GMDS: variants seen among roughly 807,000 people sequenced by gnomAD.
GMDS encodes the protein GDP-mannose 4,6 dehydratase.
Under a neutral mutation model 49.9 loss-of-function variants are expected in GMDS, and 20 were observed. That is an observed-to-expected ratio of 0.40 (90% CI 0.28 to 0.58). GMDS has a LOEUF of 0.58. Among genes scored for constraint, GMDS ranks in the 20% least tolerant of loss-of-function variants. GMDS has a pLI of 0.42. For synonymous variants in GMDS, 177 were observed against 178.6 expected, an observed-to-expected ratio of 0.99 and a Z score of 0.07; for missense variants, 362 against 481.4, an observed-to-expected ratio of 0.75 and a Z score of 2.32.
chr6:2,134,319 T>C (rs546606726), intron 1 of GMDS, among the ~76,000 whole-genome samples: 1 of 152,362 alleles, frequency 6.6e-6, no homozygotes, highest in Non-Finnish European at 1.5e-5. Context: ...GCTTAGCTCT[T>C]ATTCAACCAT....
chr6:1,874,913 GA>G (rs1758955747), intron 7 of GMDS, among the ~76,000 whole-genome samples: 1 of 152,080 alleles, frequency 6.6e-6, no homozygotes, highest in Admixed American at 6.5e-5. Context: ...AATGCGAGAA[GA>G]AAAAACCCCA....
chr6:1,670,204 C>T (rs574697080), intron 9 of GMDS, among the ~76,000 whole-genome samples: 159 of 152,264 alleles, frequency 1.0e-3, no homozygotes, highest in Middle Eastern at 3.4e-3. Flanking sequence ...GCCCAGCAGC[C>T]TTCCGGGACA....
At chr6:1,993,609 G>A (rs1351394785) in intron 4 of GMDS, among the ~76,000 whole-genome samples, 1 of 151,988 alleles carries the variant, frequency 6.6e-6, no homozygotes, top group Non-Finnish European at 1.5e-5. Flanking sequence ...ATCTCTTCAG[G>A]GCCGTGCTTC....
chr6:1,885,772 T>C (rs1031387402), intron 7 of GMDS, among the ~76,000 whole-genome samples: 1 of 152,188 alleles, frequency 6.6e-6, no homozygotes, highest in African/African-American at 2.4e-5. Flanking sequence ...ACCACAAACC[T>C]TGTTTAAACT....
intron 9 of GMDS, among the ~76,000 whole-genome samples, chr6:1,648,075 G>C (rs1282123294): frequency 6.6e-6 from 1 of 152,156 alleles, no homozygotes; most frequent in Non-Finnish European, 1.5e-5. Context: ...TTTGCCTATA[G>C]TGAGGACTCA....
chr6:1,944,415 G>A (rs1274659240), intron 6 of GMDS, among the ~76,000 whole-genome samples: 3 of 152,166 alleles, frequency 2.0e-5, no homozygotes, highest in African/African-American at 7.2e-5. Context: ...TGAGGCAGGA[G>A]AATGGCGTGA....
chr6:1,968,720 C>T (rs147860388), intron 4 of GMDS, among the ~76,000 whole-genome samples: 52 of 152,268 alleles, frequency 3.4e-4, no homozygotes, highest in Non-Finnish European at 6.0e-4. Context: ...TCCCCACATA[C>T]TGTACTCTTA....
chr6:2,060,482 G>T (rs768383049), intron 4 of GMDS, among the ~76,000 whole-genome samples: 1 of 152,072 alleles, frequency 6.6e-6, no homozygotes, highest in Admixed American at 6.6e-5. Context: ...GGGCACCTAC[G>T]ATGGGCCACC....
At chr6:2,019,594 C>G (rs1768137415) in intron 4 of GMDS, among the ~76,000 whole-genome samples, 1 of 152,074 alleles carries the variant, frequency 6.6e-6, no homozygotes, top group Non-Finnish European at 1.5e-5. Context: ...GGATTACAGG[C>G]ACCCACCATC....
intron 7 of GMDS, among the ~76,000 whole-genome samples, chr6:1,863,864 G>A (rs531648025): frequency 1.8e-4 from 28 of 151,964 alleles, no homozygotes; most frequent in African/African-American, 5.5e-4. Flanking sequence ...AAACTTTAAA[G>A]TTTTCAGGTT....
At chr6:2,073,353 A>C (rs1772127129) in intron 4 of GMDS, among the ~76,000 whole-genome samples, 1 of 152,216 alleles carries the variant, frequency 6.6e-6, no homozygotes, top group African/African-American at 2.4e-5. Flanking sequence ...AGGCTGCTTT[A>C]AAAACAAACA....
intron 1 of GMDS, among the ~76,000 whole-genome samples, chr6:2,194,109 G>C (rs560737309): frequency 6.6e-6 from 1 of 152,128 alleles, no homozygotes; most frequent in Non-Finnish European, 1.5e-5. Context: ...AAGTTAGGTA[G>C]TTCCCATGCC....
chr6:1,814,428 C>T (rs1770570436), intron 7 of GMDS, among the ~76,000 whole-genome samples: 1 of 151,686 alleles, frequency 6.6e-6, no homozygotes, highest in South Asian at 2.1e-4. Flanking sequence ...AAGATAAGGG[C>T]ACCCAGAAAA....
Position 1,776,254 on chromosome 6 carries a change from G to C in GMDS, c.772-33668C>G, listed in dbSNP as rs1768829649. Among the ~76,000 whole-genome samples the C allele has an allele frequency of 3.3e-5, 5 of 152,314 alleles. No individual in the cohort carries two copies. In the South Asian group the frequency reaches 1.0e-3, roughly 32 times the overall value. On this transcript the variant is annotated intron_variant, in intron 7 of 10. Transcript: ENST00000380815. Reference sequence around the variant, plus strand: ...GAGTTTGGAAAGTCAGAGGACAGTTGCTGCCTCTCTTTGAACAAACGATGC... The same window carrying C: ...GAGTTTGGAAAGTCAGAGGACAGTTCCTGCCTCTCTTTGAACAAACGATGC...
chr6:1,636,610 A>G (rs866096810), intron 9 of GMDS, among the ~76,000 whole-genome samples: 5 of 152,192 alleles, frequency 3.3e-5, no homozygotes, highest in Non-Finnish European at 1.5e-5. Context: ...TGCGGCCCCC[A>G]TGGAGGAACG....
At chr6:2,095,710 A>T (rs1773562794) in intron 4 of GMDS, among the ~76,000 whole-genome samples, 1 of 152,182 alleles carries the variant, frequency 6.6e-6, no homozygotes, top group Non-Finnish European at 1.5e-5. Context: ...AATATACGGG[A>T]ATCTTAGAAT....
intron 9 of GMDS, chr6:1,624,807 C>A: frequency 4.8e-6 from 1 of 210,198 alleles, no homozygotes; most frequent in East Asian, 1.1e-4. Flanking sequence ...CTCCCCAAGG[C>A]GTCCCTTGGG....
intron 6 of GMDS, among the ~76,000 whole-genome samples, chr6:1,931,363 A>C (rs1762276723): frequency 6.6e-6 from 1 of 152,246 alleles, no homozygotes; most frequent in Non-Finnish European, 1.5e-5. Context: ...CGCAAGTTCA[A>C]ACATACACCA....
intron 7 of GMDS, among the ~76,000 whole-genome samples, chr6:1,869,546 T>C (rs1359035472): frequency 2.0e-5 from 3 of 152,164 alleles, no homozygotes; most frequent in African/African-American, 7.2e-5. Flanking sequence ...GGTATTCAGG[T>C]ATTTGGAACT....
Sources: allele counts gnomAD v4.1 joint callset (sites outside exome capture counted in the v4.1 genomes callset), GRCh38; gene constraint gnomAD v4.1.1; transcripts MANE v1.5; gene names NCBI Gene and HGNC (gene_info 2026-07-23, HGNC 2026-07-21).